Variants in ATP2C1 observed in about 807,000 individuals in gnomAD.
The protein encoded by ATP2C1 is calcium-transporting ATPase type 2C member 1.
ATP2C1 carries 31 observed loss-of-function variants against 120.5 expected under a neutral mutation model. The ratio of observed to expected loss-of-function variants is 0.26; its 90% CI spans 0.19 to 0.35. The LOEUF (loss-of-function observed/expected upper bound fraction) is 0.35. Among genes scored for constraint, ATP2C1 ranks in the 10% least tolerant of loss-of-function variants. The pLI, the probability that ATP2C1 is intolerant of heterozygous loss-of-function variation, is 1.00. For missense variants in ATP2C1, 731 were observed against 1,107.5 expected (o/e 0.66, Z 4.83); for synonymous variants, 351 against 358.7 (o/e 0.98, Z 0.24).
Position 130,930,421 on chromosome 3 carries a change from A to G in ATP2C1, c.12A>G (p.Ala4=). The G allele has an allele frequency of 6.2e-7, 1 of 1,604,086 alleles. No individual in the cohort carries two copies. Residue 4 remains alanine, a synonymous_variant, in exon 3 of 28, where the codon GCA becomes GCG. Transcript: ENST00000510168. ...TCTTTGGTTTTACTTCCTAGGTTGC[A>G]CGTTTTCAAAAAATACCTAATGGTG... MKV[A]RFQKIPNGEN... is the part of the protein sequence containing the mutation.
chr3:130,995,997 T>C, intron 22 of ATP2C1, 46 bp from the exon 23 acceptor site: 1 of 1,216,284 alleles, frequency 8.2e-7, no homozygotes, highest in South Asian at 1.2e-5. Flanking sequence ...GATACATTTT[T>C]GTATGATAAT....
chr3:131,002,991 A>G lies in ATP2C1; in HGVS notation c.*1641A>G, dbSNP rs2062963111. The G allele has an allele frequency of 1.0e-6, 1 of 985,586 alleles. No individual in the cohort carries two copies. The highest frequency in any genetic ancestry group is 6.2e-5 in the Admixed American group (1 of 16,260). 61.1% of individuals were successfully genotyped at this position (985,586 alleles called of 1,614,324 possible). ...TGATGTCTCATACCTTAATTTTGTA[A>G]TGATTTTTATTCTCTGTTACAAAGA... is the stretch of plus-strand genomic sequence containing the variant. On this transcript the variant is annotated 3_prime_UTR_variant, in exon 28 of 28. Transcript: ENST00000510168.
intron 12 of ATP2C1, among the ~76,000 whole-genome samples, chr3:130,960,981 A>C (rs1276267877): frequency 1.3e-5 from 2 of 152,164 alleles, no homozygotes; most frequent in Admixed American, 6.6e-5. Flanking sequence ...TTAGAACAAA[A>C]GTCAATGTCT....
At chr3:130,958,266 A>G (rs945948562) in intron 11 of ATP2C1, among the ~76,000 whole-genome samples, 4 of 152,114 alleles carry the variant, frequency 2.6e-5, no homozygotes, top group South Asian at 4.1e-4. Context: ...GATAGTAAAT[A>G]TTTTAGTCCA....
At chr3:130,992,743 A>AT (rs2062414910) in intron 20 of ATP2C1, among the ~76,000 whole-genome samples, 2 of 152,214 alleles carry the variant, frequency 1.3e-5, no homozygotes, top group Admixed American at 1.3e-4. Context: ...TAGATTGTGT[A>AT]TTTCCTGTGG....
At chr3:130,935,503 T>C (rs558027473) in intron 5 of ATP2C1, among the ~76,000 whole-genome samples, 4 of 152,376 alleles carry the variant, frequency 2.6e-5, no homozygotes, top group East Asian at 3.9e-4. Context: ...AAAGCACTTA[T>C]GCTTAAGAAC....
chr3:130,979,187 A>T, intron 18 of ATP2C1, 62 bp from the exon 19 acceptor site: 1 of 1,526,750 alleles, frequency 6.5e-7, no homozygotes, highest in Non-Finnish European at 9.1e-7. Flanking sequence ...CTATCAACTA[A>T]ATTCTGATGT....
At chr3:130,955,249 T>G (rs1275965453) in intron 10 of ATP2C1, among the ~76,000 whole-genome samples, 169 bp downstream of exon 10, 1 of 152,156 alleles carries the variant, frequency 6.6e-6, no homozygotes, top group Non-Finnish European at 1.5e-5. Flanking sequence ...ATTGAAAAGG[T>G]CTAAATTGAT....
downstream of ATP2C1, among the ~76,000 whole-genome samples, chr3:131,004,182 C>T (rs901060568): frequency 6.6e-6 from 1 of 152,180 alleles, no homozygotes; most frequent in Non-Finnish European, 1.5e-5. Flanking sequence ...GAGTCCAGTG[C>T]ACTTTTCACT....
At chr3:130,872,077 C>G (rs1475836707) in intron 1 of ATP2C1, among the ~76,000 whole-genome samples, 1 of 149,826 alleles carries the variant, frequency 6.7e-6, no homozygotes, top group Non-Finnish European at 1.5e-5. Flanking sequence ...AGAATATAAT[C>G]TAAAATATGT....
At chr3:130,892,100 G>A (rs2069190731), upstream of ATP2C1, among the ~76,000 whole-genome samples, 1 of 152,114 alleles carries the variant, frequency 6.6e-6, no homozygotes, top group African/African-American at 2.4e-5. Context: ...TAAATCTTTT[G>A]GAGGAGTTAT....
In ATP2C1 at chr3:130,894,515, C is replaced by T; in HGVS notation, c.-180-75C>T. The T allele has an allele frequency of 7.2e-7, 1 of 1,392,206 alleles. No individual in the cohort carries two copies. The highest frequency in any genetic ancestry group is 9.3e-7 in the Non-Finnish European group (1 of 1,074,506). The allele number at this position is 1,392,206 out of a possible 1,614,324, so 86.2% of individuals were successfully genotyped here. A position where few individuals can be genotyped will look rare whatever the true frequency, so the allele number is the denominator to read the frequency against. ...GTGCGGGATCTTGGGGAGGGGGGCTCCCGAGATAGTGGCTGGGCGGGGAAC... is the reference window on the plus strand; with the variant it reads ...GTGCGGGATCTTGGGGAGGGGGGCTTCCGAGATAGTGGCTGGGCGGGGAAC... On this transcript the variant is annotated intron_variant, in intron 1 of 27. Coordinates refer to ENST00000510168, the MANE Select transcript of ATP2C1 (RefSeq NM_001378687.1). The surrounding 1 kb of genome is among the most constrained non-coding windows in gnomAD (Gnocchi z 4.5).
chr3:131,010,287 T>A (rs1051513721), intron 26 of ATP2C1, among the ~76,000 whole-genome samples: 30 of 149,370 alleles, frequency 2.0e-4, no homozygotes, highest in African/African-American at 7.2e-4. Context: ...GCATCCCGGG[T>A]TCACACCATT....
rs931152472 is a variant in ATP2C1 at position 130,945,179 on chromosome 3, G to C, written c.531+3480G>C. Among the ~76,000 whole-genome samples, 3 of 151,934 alleles carry C rather than the reference G, an allele frequency of 2.0e-5. No individual in the cohort carries two copies. In the East Asian group the frequency reaches 5.8e-4, roughly 29 times the overall value. On this transcript the variant is annotated intron_variant, in intron 8 of 27. Transcript: ENST00000510168. ...AAAACTTAGAGGAATTGAGCTTTGG[G>C]CATGTTATTTGTTTTTTTTTCCCCC...
exon 1 of ATP2C1, chr3:130,850,834 T>C: frequency 6.9e-7 from 1 of 1,453,238 alleles, no homozygotes; most frequent in Non-Finnish European, 9.1e-7. Flanking sequence ...GATAGTCTGT[T>C]GCCTCCATCT....
chr3:130,963,754 T>C, intron 12 of ATP2C1: 1 of 524,072 alleles, frequency 1.9e-6, no homozygotes, highest in Non-Finnish European at 3.4e-6. Context: ...CCAGGCAATT[T>C]GATGTCAGAA....
intron 1 of ATP2C1, among the ~76,000 whole-genome samples, chr3:130,885,512 G>A (rs1439044249): frequency 3.3e-5 from 5 of 151,168 alleles, no homozygotes; most frequent in South Asian, 2.1e-4. Flanking sequence ...TCTATTGTAC[G>A]TTTTTCAAGA....
At chr3:130,945,230 G>A (rs1437103090) in intron 8 of ATP2C1, among the ~76,000 whole-genome samples, 1 of 152,060 alleles carries the variant, frequency 6.6e-6, no homozygotes, top group Non-Finnish European at 1.5e-5. Flanking sequence ...AACTTTTAGT[G>A]TTGAGAAGAG....
In ATP2C1 at chr3:130,894,306, G is replaced by T; in HGVS notation, c.-212G>T. 1.0e-6 allele frequency: 1 copy of T among 987,314 alleles called. No homozygotes were observed. Among genetic ancestry groups the T allele is most frequent in the Non-Finnish European group, 1.2e-6 (1 of 831,056 alleles). The allele number at this position is 987,314 out of a possible 1,614,324, so 61.2% of individuals were successfully genotyped here. On this transcript the variant is annotated 5_prime_UTR_variant, in exon 1 of 28. Coordinates refer to ENST00000510168, the MANE Select transcript of ATP2C1 (RefSeq NM_001378687.1). This position sits in a 1 kb window ranked among gnomAD's most constrained non-coding sequence, Gnocchi z 4.5. ...CCGCGAGCCCCGCGGCTGAGACCCC[G>T]CAGCCTGGAGGAGGGCTGTCCGGGG...
Sources: gnomAD v4.1 joint callset for allele counts (sites outside exome capture counted in the v4.1 genomes callset) on GRCh38, gnomAD v4.1.1 for gene constraint, Gnocchi (gnomAD v3.1) non-coding constraint, MANE v1.5 for transcripts, NCBI Gene and HGNC (gene_info 2026-07-23, HGNC 2026-07-21) for gene names.